The following ZNF318 variants were observed in gnomAD, a reference collection of about 807,000 sequenced individuals.
ZNF318 encodes endocrine regulator.
A neutral mutation model predicts 124.2 loss-of-function variants in ZNF318; 51 were observed. The ratio of observed to expected loss-of-function variants is 0.41; its 90% CI spans 0.33 to 0.52. ZNF318 has a LOEUF of 0.52. Ranked by LOEUF, ZNF318 falls within the 20% of genes least tolerant of loss-of-function variation. The pLI is 0.23. For missense variants in ZNF318, 2,815 were observed against 2,811.2 expected, an observed-to-expected ratio of 1.00 and a Z score of -0.03; for synonymous variants, 1,090 against 1,040.7, an observed-to-expected ratio of 1.05 and a Z score of -0.91.
At chr6:43,347,666 TTG>T (rs1779465066) in intron 6 of ZNF318, among the ~76,000 whole-genome samples, 2 of 152,154 alleles carry the variant, frequency 1.3e-5, no homozygotes, top group African/African-American at 4.8e-5. Flanking sequence ...GTGAGTTACG[TTG>T]TTAGACACTC....
At chr6:43,341,045 G>GT (rs1562128978) in intron 8 of ZNF318, 137 bp from the exon 9 acceptor site, 2 of 649,980 alleles carry the variant, frequency 3.1e-6, no homozygotes, top group Non-Finnish European at 5.4e-6. Flanking sequence ...GTCAGAAGCA[G>GT]TATTTAGATG....
At chr6:43,349,082 G>A (rs1779493296) in intron 5 of ZNF318, among the ~76,000 whole-genome samples, 2 of 152,150 alleles carry the variant, frequency 1.3e-5, no homozygotes, top group African/African-American at 4.8e-5. Context: ...CCTTCCACAT[G>A]GGTTGGTGTA....
Position 43,338,583 on chromosome 6 carries a change from G to C in ZNF318, c.5415C>G (p.Ser1805Arg), listed in dbSNP as rs761080143. The C allele has an allele frequency of 2.2e-5, 36 of 1,613,992 alleles. No homozygotes were observed. The highest frequency in any genetic ancestry group is 2.9e-5 in the Non-Finnish European group (34 of 1,180,024). ...EGVSTSIGPH[S>R]IDDSNLNHGN... ...CATGGTTCAAATTAGAATCATCTATGCTGTGGGGTCCAATGCTGGTACTTA... is the reference window on the plus strand; with the variant it reads ...CATGGTTCAAATTAGAATCATCTATCCTGTGGGGTCCAATGCTGGTACTTA... The change falls in exon 10 of 10, where the codon AGC (serine) becomes AGG (arginine). Residue 1805 changes from serine to arginine, a missense_variant. Around this residue, in one of 4 missense-constraint regions of ZNF318, gnomAD observed 927 missense variants for 820.6 expected, o/e 1.13. Coordinates refer to ENST00000361428, the MANE Select transcript of ZNF318 (RefSeq NM_014345.3).
At position 43,337,967 on chromosome 6, in the gene ZNF318, G is replaced by T; in HGVS notation, c.6031C>A (p.Leu2011Ile). ...TCCCCCAGATTCCCCAGGGCAGTAAGCTCCTCTACCTTTAAGTCTGTAGCT... is the reference window on the plus strand; with the variant it reads ...TCCCCCAGATTCCCCAGGGCAGTAATCTCCTCTACCTTTAAGTCTGTAGCT... ...FEATDLKVEE[L>I]TALGNLGDMP... Residue 2011 changes from leucine (L) to isoleucine (I), a missense_variant, in exon 10 of 10, where the codon CTT becomes ATT. Physicochemically the swap from Leu to Ile is conservative, Grantham distance 5. Around this residue, in one of 4 missense-constraint regions of ZNF318, gnomAD observed 927 missense variants for 820.6 expected, o/e 1.13. Coordinates refer to ENST00000361428, the MANE Select transcript of ZNF318 (RefSeq NM_014345.3). 1 of 1,614,204 alleles carries T rather than the reference G, an allele frequency of 6.2e-7. No individual in the cohort carries two copies. Among genetic ancestry groups the T allele is most frequent in the Non-Finnish European group, 8.5e-7 (1 of 1,180,034 alleles).
In ZNF318 at chr6:43,342,141, C is replaced by A. The variant is rs776514732; in HGVS notation, c.3347G>T (p.Arg1116Leu). The stretch of plus-strand genomic sequence containing the variant: ...TGCAGGAACAGTTATCTTGTCAGTG[C>A]GCTTTATGGCATCTTGCTTGGCCTC... ...QSEAKQDAIK[R>L]TDKITVPAKG... The change falls in exon 8 of 10, where the codon CGC (arginine) becomes CTC (leucine). Residue 1116 changes from arginine (R) to leucine (L), a missense_variant. By Grantham distance (102) the Arg-to-Leu change is moderately radical (BLOSUM62 -2). Around this residue, in one of 4 missense-constraint regions of ZNF318, gnomAD observed 500 missense variants for 605.2 expected, o/e 0.83. Coordinates refer to ENST00000361428, the MANE Select transcript of ZNF318 (RefSeq NM_014345.3). 2 of 1,614,042 alleles carry A rather than the reference C, an allele frequency of 1.2e-6. No homozygotes were observed. Among genetic ancestry groups the A allele is most frequent in the Non-Finnish European group, 1.7e-6 (2 of 1,179,958 alleles).
Position 43,355,026 on chromosome 6 carries a change from CAAACTGAGAGGCCCTTGGCATGTG to C in ZNF318, c.2284_2307del (p.His762_Phe769del). The C allele has an allele frequency of 1.2e-6, 2 of 1,613,226 alleles. No homozygotes were observed. The highest frequency in any genetic ancestry group is 1.7e-6 in the Non-Finnish European group (2 of 1,179,446). On this transcript the variant is annotated inframe_deletion, in exon 4 of 10. Transcript: ENST00000361428. ...TAGTTCGGAGGTATCCGAGCTGCAG[CAAACTGAGAGGCCCTTGGCATGTG>C]AAACTGAGATAAAGCAGCAGTGTGT...
At position 43,365,398 on chromosome 6, in the gene ZNF318, A is replaced by G; in HGVS notation, c.442T>C (p.Leu148=). ...GLCSDSLEKS[L]RITVGNDHFC... is the part of the protein sequence containing the mutation. ...TGGTCATTGCCAACAGTGATCCTTA[A>G]GCTCTTTTCCAAAGAGTCAGAACAC... Residue 148 remains leucine, a synonymous_variant, in exon 2 of 10, where the codon TTA becomes CTA. Coordinates refer to ENST00000361428, the MANE Select transcript of ZNF318 (RefSeq NM_014345.3). 1 of 1,614,168 alleles carries G rather than the reference A, an allele frequency of 6.2e-7. No homozygotes were observed. Among genetic ancestry groups the G allele is most frequent in the Middle Eastern group, 1.6e-4 (1 of 6,062 alleles).
intron 8 of ZNF318, among the ~76,000 whole-genome samples, chr6:43,341,799 T>G (rs1779376239): frequency 6.6e-6 from 1 of 152,244 alleles, no homozygotes; most frequent in African/African-American, 2.4e-5. Context: ...CCTGTCCTTT[T>G]TAACCTGGAT....
chr6:43,342,783 C>T lies in ZNF318; in HGVS notation c.3169G>A (p.Ala1057Thr), dbSNP rs764098253. ...TTGCCAGCATCATAATACTCATAAG[C>T]AGCAGTGGGCTGATCCAACTGCTTA... ...ATKQLDQPTA[A>T]YEYYDAGNHW... The change falls in exon 7 of 10, where the codon GCT becomes ACT. Residue 1057 changes from alanine to threonine, a missense_variant. Ala to Thr is a moderately conservative substitution (Grantham distance 58). Transcript: ENST00000361428. The T allele has an allele frequency of 6.2e-7, 1 of 1,614,066 alleles. No individual in the cohort carries two copies. The highest frequency in any genetic ancestry group is 1.3e-5 in the African/African-American group (1 of 74,920).
chr6:43,353,354 C>T (rs1779560292), intron 4 of ZNF318, among the ~76,000 whole-genome samples: 1 of 150,186 alleles, frequency 6.7e-6, no homozygotes, highest in South Asian at 2.1e-4. Context: ...TGAGACTGGC[C>T]CTCTAATTTT....
rs140217035 is a variant in ZNF318 at position 43,338,739 on chromosome 6, T to C, written c.5259A>G (p.Glu1753=). 1.9e-6 allele frequency: 3 copies of C among 1,614,076 alleles called. No individual in the cohort carries two copies. The highest frequency in any genetic ancestry group is 2.5e-6 in the Non-Finnish European group (3 of 1,180,040). The part of the protein sequence containing the change: ...SQKLVEIHLR[E]SVNQDKESQE... ...GGCTTTCCTTATCCTGGTTAACAGATTCTCTGAGGTGGATTTCTACCAACT... is the reference window on the plus strand; with the variant it reads ...GGCTTTCCTTATCCTGGTTAACAGACTCTCTGAGGTGGATTTCTACCAACT... Residue 1753 remains glutamate (E), a synonymous_variant, in exon 10 of 10, where the codon GAA becomes GAG. Coordinates refer to ENST00000361428, the MANE Select transcript of ZNF318 (RefSeq NM_014345.3).
rs796922440 is a variant in ZNF318 at position 43,369,587 on chromosome 6, AC to A, written c.-223del. ...GAGGGCGCGAGCACGCGTCCGACAC[AC>A]CCCCCCCCGCCTCCGGGGTTCCCCG... On this transcript the variant is annotated 5_prime_UTR_variant, in exon 1 of 10. Transcript: ENST00000361428. 0.029 allele frequency: 4,204 copies of A among 144,186 alleles called. 92 individuals carry two copies. The highest frequency in any genetic ancestry group is 0.053 in the Middle Eastern group (14 of 264). The allele number at this position is 144,186 out of a possible 1,614,324, so 8.9% of individuals were successfully genotyped here. A position where few individuals can be genotyped will look rare whatever the true frequency, so the allele number is the denominator to read the frequency against.
chr6:43,342,001 T>A, intron 8 of ZNF318, 111 bp downstream of exon 8: 2 of 926,784 alleles, frequency 2.2e-6, no homozygotes, highest in Non-Finnish European at 3.5e-6. Flanking sequence ...ACGGCTTTGT[T>A]AAAAGGAATG....
In ZNF318 at chr6:43,337,656, G is replaced by A; in HGVS notation, c.6342C>T (p.Asp2114=). 1 of 1,614,080 alleles carries A rather than the reference G, an allele frequency of 6.2e-7. No individual in the cohort carries two copies. Among genetic ancestry groups the A allele is most frequent in the South Asian group, 1.1e-5 (1 of 91,084 alleles). ...ILKTGLTENV[D]RGLGGLEGTH... Reference sequence around the variant, plus strand: ...TTCCCTCTAGGCCCCCCAAGCCACGGTCAACATTTTCTGTAAGTCCAGTTT... The same window carrying A: ...TTCCCTCTAGGCCCCCCAAGCCACGATCAACATTTTCTGTAAGTCCAGTTT... Residue 2114 remains aspartate (D), a synonymous_variant, in exon 10 of 10, where the codon GAC becomes GAT. Coordinates refer to ENST00000361428, the MANE Select transcript of ZNF318 (RefSeq NM_014345.3).
rs143241903 is a variant in ZNF318 at position 43,352,443 on chromosome 6, G to A, written c.2704C>T (p.Arg902Trp). 20 of 1,613,854 alleles carry A rather than the reference G, an allele frequency of 1.2e-5. No individual in the cohort carries two copies. The highest frequency in any genetic ancestry group is 1.6e-4 in the Middle Eastern group (1 of 6,082). ...IEEREKLKND[R>W]EARQKKMYYL... ...TACATCTTCTTCTGGCGGGCTTCCCGGTCATTCTTTAGTTTTTCCCTCTCT... is the reference window on the plus strand; with the variant it reads ...TACATCTTCTTCTGGCGGGCTTCCCAGTCATTCTTTAGTTTTTCCCTCTCT... The change falls in exon 5 of 10, where the codon CGG becomes TGG. Residue 902 changes from arginine to tryptophan, a missense_variant. By Grantham distance (101) the Arg-to-Trp change is moderately radical. Coordinates refer to ENST00000361428, the MANE Select transcript of ZNF318 (RefSeq NM_014345.3).
intron 6 of ZNF318, among the ~76,000 whole-genome samples, chr6:43,344,655 G>A (rs1779413950): frequency 6.6e-6 from 1 of 151,930 alleles, no homozygotes; most frequent in Admixed American, 6.6e-5. Flanking sequence ...TACCTAACAT[G>A]GACTTATTTA....
Position 43,348,413 on chromosome 6 carries a change from T to C in ZNF318, c.2983A>G (p.Ser995Gly). Residue 995 changes from serine (S) to glycine (G), a missense_variant, in exon 6 of 10, where the codon AGT becomes GGT. Ser to Gly is a moderately conservative substitution (Grantham distance 56). Coordinates refer to ENST00000361428, the MANE Select transcript of ZNF318 (RefSeq NM_014345.3). ...FDKSQKSLSD[S>G]REPTEKPGKA... is the part of the protein sequence containing the mutation. ...CCAGGCTTCTCTGTAGGCTCTCTAC[T>C]GTCACTTAAAGACTTCTGGGATTTA... The C allele has an allele frequency of 5.6e-6, 9 of 1,614,224 alleles. No individual in the cohort carries two copies. Among genetic ancestry groups the C allele is most frequent in the South Asian group, 1.1e-5 (1 of 91,088 alleles).
At chr6:43,354,616 T>G (rs375400511) in intron 4 of ZNF318, 48 bp downstream of exon 4, 2 of 1,520,128 alleles carry the variant, frequency 1.3e-6, no homozygotes, top group African/African-American at 2.8e-5. Context: ...TACAAATTTA[T>G]GGCAAAACAG....
chr6:43,366,126 G>A (rs1325179954), intron 1 of ZNF318, among the ~76,000 whole-genome samples: 2 of 152,208 alleles, frequency 1.3e-5, no homozygotes, highest in Non-Finnish European at 2.9e-5. Context: ...AGGATGGTTA[G>A]AAAAGGTTTT....
Sources: gnomAD v4.1 joint callset for allele counts (sites outside exome capture counted in the v4.1 genomes callset) on GRCh38, gnomAD v4.1.1 for gene constraint, gnomAD v4.1.1 regional missense constraint, MANE v1.5 for transcripts, NCBI Gene and HGNC (gene_info 2026-07-23, HGNC 2026-07-21) for gene names.